The following GLA variants were observed in gnomAD, a reference collection of about 807,000 sequenced individuals.
The protein encoded by GLA is alpha-galactosidase A.
In GLA, 4 loss-of-function variants were observed where a neutral mutation model predicts 28.2. The observed-to-expected ratio is 0.14, with a 90% CI of 0.07 to 0.32. The LOEUF (loss-of-function observed/expected upper bound fraction) is 0.32, where lower values mean the gene tolerates loss of function less well. Ranked by LOEUF, GLA falls within the 10% of genes least tolerant of loss-of-function variation. GLA has a pLI of 1.00. For synonymous variants in GLA, 94 were observed against 113.0 expected (o/e 0.83, Z 1.07); for missense variants, 203 against 323.7 (o/e 0.63, Z 2.86).
intron 4 of GLA, chrX:101,399,742 A>G (rs1436579385): frequency 1.8e-5 from 2 of 112,570 alleles, no homozygotes; most frequent in Admixed American, 9.4e-5. Context: ...CATGAAACTT[A>G]CACTCTAGTG....
chrX:101,407,461 CGAGA>C (rs782246787), intron 1 of GLA, among the ~76,000 whole-genome samples: 18 of 103,700 alleles, frequency 1.7e-4, no homozygotes, highest in African/African-American at 3.3e-4. Flanking sequence ...AGAAGGAGAA[CGAGA>C]GAGAGAGAGA....
At chrX:101,399,047 A>G (rs1020199737) in intron 4 of GLA, 101 bp from the exon 5 acceptor site, 2 of 725,844 alleles carry the variant, frequency 2.8e-6, no homozygotes, top group Non-Finnish European at 4.4e-6. Flanking sequence ...TTGAGTTTAC[A>G]GATTGAACGT....
At chrX:101,400,375 TGGAA>T (rs1928263174) in intron 4 of GLA, among the ~76,000 whole-genome samples, 1 of 110,663 alleles carries the variant, frequency 9.0e-6, no homozygotes, top group African/African-American at 3.3e-5. Flanking sequence ...GTAGTGAAGA[TGGAA>T]GGAAGTGGGC....
intron 1 of GLA, among the ~76,000 whole-genome samples, 196 bp from the exon 2 acceptor site, chrX:101,404,181 C>T (rs782599317): frequency 6.3e-5 from 7 of 111,679 alleles, no homozygotes; most frequent in Non-Finnish European, 1.3e-4. Flanking sequence ...ATATTCCCGC[C>T]CTAAAAACCC....
rs782777183 is a variant in GLA, at chrX:101,401,566, T to G, written c.547+66A>C. 3 of 933,425 alleles carry G rather than the reference T, an allele frequency of 3.2e-6. No individual in the cohort carries two copies. In the African/African-American group the frequency reaches 5.8e-5, roughly 18 times the overall value. 76.9% of individuals were successfully genotyped at this position (933,425 alleles called of 1,213,427 possible). On this transcript the variant is annotated intron_variant, in intron 3 of 6. Coordinates refer to ENST00000218516, the MANE Select transcript of GLA (RefSeq NM_000169.3). ...ATTTAAAATTCTGAAGATTGGTTCTTTGGCTCAGCTACCATGGCCTCAAAG... is the reference window on the plus strand; with the variant it reads ...ATTTAAAATTCTGAAGATTGGTTCTGTGGCTCAGCTACCATGGCCTCAAAG...
intron 4 of GLA, among the ~76,000 whole-genome samples, chrX:101,399,327 G>T (rs1733463612): frequency 8.9e-6 from 1 of 112,698 alleles, no homozygotes; most frequent in Non-Finnish European, 1.9e-5. Context: ...AGCACTTTGG[G>T]AGGCCGAGGC....
intron 1 of GLA, among the ~76,000 whole-genome samples, chrX:101,406,211 CAAA>C (rs781880952): frequency 0.12 from 4,182 of 35,519 alleles, 127 homozygotes; most frequent in African/African-American, 0.23. Flanking sequence ...GACCCCGTCT[CAAA>C]AAAAAAAAAA....
At chrX:101,404,473 CAATATT>C (rs1289118369) in intron 1 of GLA, among the ~76,000 whole-genome samples, 3 of 110,099 alleles carry the variant, frequency 2.7e-5, no homozygotes, top group African/African-American at 9.9e-5. Context: ...TAAGCATACT[CAATATT>C]AAAAATAAGT....
intron 1 of GLA, among the ~76,000 whole-genome samples, chrX:101,406,451 C>A (rs782682531): frequency 9.0e-6 from 1 of 110,508 alleles, no homozygotes; most frequent in East Asian, 2.8e-4. Context: ...GGTGGTGGAA[C>A]GGTGGGGGGA....
rs782246787 is a variant in GLA at position 101,407,461 on chromosome X, C to CGAGAGAGAGAGAGAGAGAGAGA, written c.194+248_194+249insTCTCTCTCTCTCTCTCTCTCTC. ...AAGAGAAAGAGAAAGAGAAGGAGAA[C>CGAGAGAGAGAGAGAGAGAGAGA]GAGAGAGAGAGAGAGAGAGAAAGAA... On this transcript the variant is annotated intron_variant, in intron 1 of 6. Transcript: ENST00000218516. 4.5e-3 allele frequency among the ~76,000 whole-genome samples: 464 copies of CGAGAGAGAGAGAGAGAGAGAGA among 103,679 alleles called. 5 individuals are homozygous for CGAGAGAGAGAGAGAGAGAGAGA. The highest frequency in any genetic ancestry group is 0.015 in the African/African-American group (422 of 27,608). The allele number at this position is 103,679 out of a possible 115,157, so 90.0% of individuals were successfully genotyped here.
At chrX:101,401,526 G>A (rs1555985749) in intron 3 of GLA, 106 bp downstream of exon 3, 3 of 640,538 alleles carry the variant, frequency 4.7e-6, no homozygotes, top group Non-Finnish European at 8.0e-6. Context: ...ATTATTTCCA[G>A]TATTGTGACA....
At chrX:101,403,673 C>T in intron 2 of GLA, 138 bp downstream of exon 2, 2 of 569,524 alleles carry the variant, frequency 3.5e-6, no homozygotes, top group Admixed American at 5.3e-5. Context: ...AGGTGATCCA[C>T]CCGCCTCGGC....
At chrX:101,399,332 C>T (rs111232330) in intron 4 of GLA, among the ~76,000 whole-genome samples, 5,559 of 112,066 alleles carry the variant, frequency 0.05, 160 homozygotes, top group South Asian at 0.11. Flanking sequence ...TTTGGGAGGC[C>T]GAGGCAGGTG....
Position 101,398,503 on chromosome X carries a change from A to T in GLA, c.866T>A (p.Ile289Asn). 1 of 1,209,183 alleles carries T rather than the reference A, an allele frequency of 8.3e-7. No homozygotes were observed. ...QQVTQMALWA[I>N]MAAPLFMSND... ...AGACATGAATAAAGGAGCAGCCATG[A>T]TAGCCCAGAGGGCCATCTGAGTTAC... Residue 289 changes from isoleucine to asparagine, a missense_variant, in exon 6 of 7, where the codon ATC (isoleucine) becomes AAC (asparagine). This residue lies in a region of GLA where 162 missense variants were observed against 246.8 expected (regional missense o/e 0.66). Transcript: ENST00000218516.
At position 101,400,666 on chromosome X, in the gene GLA, CT is replaced by C; in HGVS notation, c.638del (p.Lys213SerfsTer27). On this transcript the variant is annotated frameshift_variant and splice_region_variant, in exon 4 of 7. Transcript: ENST00000218516. LOFTEE classifies it high-confidence loss of function. The stretch of plus-strand genomic sequence containing the variant: ...TTGGATTCTGGGCTCACTATCTCAC[CT>C]TTTGAAAGGGCCACATATAAAGAGG... ...EWPLYMWPFQKPNYTEIRQYC... is the reference protein window; with the variant it reads ...EWPLYMWPFQXPNYTEIRQYC... 3 of 1,108,991 alleles carry C rather than the reference CT, an allele frequency of 2.7e-6. No homozygotes were observed. The highest frequency in any genetic ancestry group is 1.8e-5 in the African/African-American group (1 of 55,693). The allele number at this position is 1,108,991 out of a possible 1,213,427, so 91.4% of individuals were successfully genotyped here. A position where few individuals can be genotyped will look rare whatever the true frequency, so the allele number is the denominator to read the frequency against.
At chrX:101,405,135 A>G (rs1928454200) in intron 1 of GLA, among the ~76,000 whole-genome samples, 1 of 106,095 alleles carries the variant, frequency 9.4e-6, no homozygotes, top group South Asian at 4.5e-4. Context: ...ACTCGCGAGG[A>G]TGAGGCAGGA....
Position 101,398,093 on chromosome X carries a change from T to C in GLA, c.1006A>G (p.Asn336Asp). The change falls in exon 7 of 7, where the codon AAC (asparagine) becomes GAC (aspartate). Residue 336 changes from asparagine (N) to aspartate (D), a missense_variant. Asn to Asp is a conservative substitution (Grantham distance 23, BLOSUM62 1). This residue lies in a region of GLA where 162 missense variants were observed against 246.8 expected (regional missense o/e 0.66). Transcript: ENST00000218516. ...KQGYQLRQGD[N>D]FEVWERPLSG... ...AGAGGTCGTTCCCACACTTCAAAGT[T>C]GTCTCCCTGAAAAACCAAGAAAGTG... is the stretch of plus-strand genomic sequence containing the variant. The C allele has an allele frequency of 8.3e-7, 1 of 1,210,977 alleles. No homozygotes were observed. The highest frequency in any genetic ancestry group is 1.1e-6 in the Non-Finnish European group (1 of 894,537).
intron 2 of GLA, among the ~76,000 whole-genome samples, chrX:101,402,654 T>C (rs994031992): frequency 9.0e-6 from 1 of 111,224 alleles, no homozygotes; most frequent in Admixed American, 9.6e-5. Context: ...TCCCAGCTAC[T>C]TGGGAGGCTG....
At chrX:101,398,981 C>A (rs373390797) in intron 4 of GLA, 35 bp from the exon 5 acceptor site, 1 of 1,125,647 alleles carries the variant, frequency 8.9e-7, no homozygotes, top group African/African-American at 1.8e-5. Context: ...TGTTTACTTT[C>A]TACTAACATC....
Sources: allele counts gnomAD v4.1 joint callset (sites outside exome capture counted in the v4.1 genomes callset), GRCh38; gene constraint gnomAD v4.1.1; regional missense constraint gnomAD v4.1.1; transcripts MANE v1.5; gene names NCBI Gene and HGNC (gene_info 2026-07-23, HGNC 2026-07-21).